The following ADAMTSL1 variants were observed in gnomAD, a reference collection of about 807,000 sequenced individuals.
The protein encoded by ADAMTSL1 is ADAMTS like 1.
In ADAMTSL1, 126 loss-of-function variants were observed where a neutral mutation model predicts 201.8. That is an observed-to-expected ratio of 0.62 (90% CI 0.54 to 0.72). The LOEUF is 0.72. Ranked by LOEUF, ADAMTSL1 falls within the 30% of genes least tolerant of loss-of-function variation. ADAMTSL1 has a pLI of 0.00. For synonymous variants in ADAMTSL1, 1,121 were observed against 903.4 expected, an observed-to-expected ratio of 1.24 and a Z score of -4.32; for missense variants, 2,679 against 2,277.8, an observed-to-expected ratio of 1.18 and a Z score of -3.59.
chr9:18,370,280 C>CAA (rs777805758), intron 2 of ADAMTSL1, among the ~76,000 whole-genome samples: 1 of 127,084 alleles, frequency 7.9e-6, no homozygotes, highest in Non-Finnish European at 1.7e-5. Context: ...GACTCCATCT[C>CAA]AAAAAAAAAA....
In ADAMTSL1 at chr9:18,675,917, T is replaced by C; in HGVS notation, c.1136+10T>C. ...ACCATCCCCTTCCTCGGTACGTAAA[T>C]CAATCATCCTGATGTTAGAATTAGC... is the stretch of plus-strand genomic sequence containing the variant. On this transcript the variant is annotated intron_variant, in intron 10 of 28. Coordinates refer to ENST00000380548, the MANE Select transcript of ADAMTSL1 (RefSeq NM_001040272.6). The C allele has an allele frequency of 6.2e-7, 1 of 1,611,878 alleles. No homozygotes were observed. Among genetic ancestry groups the C allele is most frequent in the Non-Finnish European group, 8.5e-7 (1 of 1,178,150 alleles).
At chr9:18,747,256 G>T (rs770686604) in intron 15 of ADAMTSL1, among the ~76,000 whole-genome samples, 2 of 152,170 alleles carry the variant, frequency 1.3e-5, no homozygotes, top group Non-Finnish European at 2.9e-5. Flanking sequence ...CAGAGTCTCT[G>T]TTAGCTGATC....
At chr9:18,513,321 A>T (rs981590965) in intron 2 of ADAMTSL1, among the ~76,000 whole-genome samples, 13 of 152,152 alleles carry the variant, frequency 8.5e-5, no homozygotes, top group African/African-American at 3.1e-4. Context: ...CTCCGCCGCA[A>T]CCTCTGGCAG....
chr9:18,702,284 T>C (rs957182770), intron 13 of ADAMTSL1, among the ~76,000 whole-genome samples: 2 of 152,202 alleles, frequency 1.3e-5, no homozygotes, highest in African/African-American at 4.8e-5. Context: ...TTACAGGCCA[T>C]GTAGACATAC....
intron 23 of ADAMTSL1, among the ~76,000 whole-genome samples, chr9:18,866,789 C>T (rs188934122): frequency 5.3e-5 from 8 of 152,324 alleles, no homozygotes; most frequent in Admixed American, 2.0e-4. Flanking sequence ...TTTCAAGTAA[C>T]GGTCCAGAGG....
At chr9:18,898,799 C>A (rs975883600) in intron 26 of ADAMTSL1, among the ~76,000 whole-genome samples, 4 of 152,032 alleles carry the variant, frequency 2.6e-5, no homozygotes, top group Admixed American at 2.6e-4. Flanking sequence ...AGGAACACAC[C>A]TCAAAATAAT....
chr9:18,579,665 A>G (rs1047958802), intron 4 of ADAMTSL1, among the ~76,000 whole-genome samples: 1 of 152,250 alleles, frequency 6.6e-6, no homozygotes, highest in Non-Finnish European at 1.5e-5. Context: ...TGACTTCCCA[A>G]TGAATGAGCA....
At chr9:18,452,177 T>G (rs1230323319) in intron 2 of ADAMTSL1, among the ~76,000 whole-genome samples, 1 of 152,108 alleles carries the variant, frequency 6.6e-6, no homozygotes, top group African/African-American at 2.4e-5. Context: ...CCTCCGAAAG[T>G]GCTGGGATTA....
intron 2 of ADAMTSL1, among the ~76,000 whole-genome samples, chr9:18,511,056 T>C (rs1817991131): frequency 6.6e-6 from 1 of 152,158 alleles, no homozygotes; most frequent in Non-Finnish European, 1.5e-5. Flanking sequence ...TAACATTATC[T>C]GTCTCCCTGT....
chr9:18,318,842 G>A (rs894622999), intron 2 of ADAMTSL1, among the ~76,000 whole-genome samples: 1 of 152,150 alleles, frequency 6.6e-6, no homozygotes, highest in Admixed American at 6.5e-5. Context: ...ATGCCAAGCT[G>A]TATGCCAAGT....
intron 26 of ADAMTSL1, among the ~76,000 whole-genome samples, chr9:18,901,988 C>A (rs1450628473): frequency 6.6e-6 from 1 of 152,048 alleles, no homozygotes; most frequent in Non-Finnish European, 1.5e-5. Flanking sequence ...TAAATAAAAA[C>A]CAAAAGCTGA....
At chr9:18,552,614 C>A (rs1049547741) in intron 3 of ADAMTSL1, among the ~76,000 whole-genome samples, 1 of 151,582 alleles carries the variant, frequency 6.6e-6, no homozygotes, top group Non-Finnish European at 1.5e-5. Flanking sequence ...TTTTAAAATA[C>A]TTGAGAGAAT....
At chr9:18,781,502 T>A (rs1821394127) in intron 19 of ADAMTSL1, among the ~76,000 whole-genome samples, 2 of 152,210 alleles carry the variant, frequency 1.3e-5, no homozygotes, top group South Asian at 4.1e-4. Context: ...AAGTTCTGTT[T>A]AAGAAAAGAG....
intron 1 of ADAMTSL1, among the ~76,000 whole-genome samples, chr9:17,960,333 A>G (rs1361952426): frequency 1.3e-5 from 2 of 152,214 alleles, no homozygotes; most frequent in African/African-American, 4.8e-5. Context: ...CTTGAGGGAC[A>G]CTGGGAAATG....
intron 2 of ADAMTSL1, among the ~76,000 whole-genome samples, chr9:18,240,440 C>G (rs923681330): frequency 6.6e-6 from 1 of 150,722 alleles, no homozygotes; most frequent in Admixed American, 6.6e-5. Context: ...CTTTGTTGTT[C>G]CATTTATAGA....
chr9:18,596,927 C>T lies in ADAMTSL1; in HGVS notation c.474+22661C>T, dbSNP rs1824300116. On this transcript the variant is annotated intron_variant, in intron 4 of 28. Coordinates refer to ENST00000380548, the MANE Select transcript of ADAMTSL1 (RefSeq NM_001040272.6). ...CTCATGTAAGTCCTTCAGCAAAACT[C>T]CTAGGGGAATTAATATTCATTTTCT... 2.6e-5 allele frequency among the ~76,000 whole-genome samples: 4 copies of T among 152,142 alleles called. No homozygotes were observed. The South Asian group carries it at 6.2e-4, about 24-fold the overall frequency.
chr9:18,375,734 A>G (rs1166242892), intron 2 of ADAMTSL1, among the ~76,000 whole-genome samples: 1 of 152,202 alleles, frequency 6.6e-6, no homozygotes, highest in African/African-American at 2.4e-5. Context: ...CTCCCATAGC[A>G]TGGAAGGGGA....
At position 18,254,556 on chromosome 9, in the gene ADAMTSL1, G is replaced by C. The variant is rs530899152; in HGVS notation, c.207+90575G>C. Among the ~76,000 whole-genome samples, 21 of 151,422 alleles carry C rather than the reference G, an allele frequency of 1.4e-4. 1 individual carries two copies. The South Asian group carries it at 4.2e-3, about 30-fold the overall frequency. ...TTTTTTGTATTTTTAGTAAAGACGG[G>C]GTTTCACCATGTTAGCCAGGATGGT... On this transcript the variant is annotated intron_variant, in intron 2 of 29. Transcript: ENST00000680146.
chr9:18,143,181 T>A (rs947385232), intron 1 of ADAMTSL1, among the ~76,000 whole-genome samples: 1 of 152,186 alleles, frequency 6.6e-6, no homozygotes. Flanking sequence ...AAAGTGGAGC[T>A]GGAGCCAGAG....
Sources: allele counts gnomAD v4.1 joint callset (sites outside exome capture counted in the v4.1 genomes callset), GRCh38; gene constraint gnomAD v4.1.1; transcripts MANE v1.5; gene names NCBI Gene and HGNC (gene_info 2026-07-23, HGNC 2026-07-21).